Variants in TF observed in about 807,000 individuals in gnomAD.
TF encodes the protein serotransferrin.
Under a neutral mutation model 82.4 loss-of-function variants are expected in TF, and 55 were observed. The ratio of observed to expected loss-of-function variants is 0.67; its 90% CI spans 0.54 to 0.84. The LOEUF is 0.84. TF is among the 40% of genes least tolerant of loss of function. TF has a pLI of 0.00. For synonymous variants in TF, 332 were observed against 332.6 expected (o/e 1.00, Z 0.02); for missense variants, 737 against 868.4 (o/e 0.85, Z 1.90).
chr3:133,773,700 C>T (rs1360410868), intron 14 of TF: 1 of 152,156 alleles, frequency 6.6e-6, no homozygotes, highest in Admixed American at 6.5e-5. Context: ...ACATGCCCTT[C>T]TAGATGCCCT....
Position 133,781,470 on chromosome 3 carries a change from ATG to A in TF, c.*2852_*2853del, listed in dbSNP as rs964941243. 2.0e-5 allele frequency: 3 copies of A among 152,156 alleles called. No individual in the cohort carries two copies. The highest frequency in any genetic ancestry group is 2.9e-5 in the Non-Finnish European group (2 of 68,022). The allele number at this position is 152,156 out of a possible 1,614,324, so 9.4% of individuals were successfully genotyped here. The stretch of plus-strand genomic sequence containing the variant: ...ATAATAATTAACAAGAATAAATAAA[ATG>A]TATCATTTAGTAAATTAATAAAAGC... On this transcript the variant is annotated 3_prime_UTR_variant, in exon 17 of 17. Coordinates refer to ENST00000402696, the MANE Select transcript of TF (RefSeq NM_001063.4).
intron 11 of TF, among the ~76,000 whole-genome samples, chr3:133,765,863 G>A (rs1169292607): frequency 6.6e-6 from 1 of 151,878 alleles, no homozygotes; most frequent in Non-Finnish European, 1.5e-5. Context: ...AAAATGTTTG[G>A]CTCAGTTTTT....
In TF at chr3:133,792,378, A is replaced by G. The variant is rs1934862399; in HGVS notation, c.*13758A>G. ...AAAAGAGAATTTATGCAAGAAATAT[A>G]CAATTTAACGGTGATTAGACCTCCT... is the stretch of plus-strand genomic sequence containing the variant. On this transcript the variant is annotated 3_prime_UTR_variant, in exon 17 of 17. Coordinates refer to ENST00000402696, the MANE Select transcript of TF (RefSeq NM_001063.4). 1 of 152,234 alleles carries G rather than the reference A, an allele frequency of 6.6e-6. No individual in the cohort carries two copies. 9.4% of individuals were successfully genotyped at this position (152,234 alleles called of 1,614,324 possible). A position where few individuals can be genotyped will look rare whatever the true frequency, so the allele number is the denominator to read the frequency against.
the TF span, among the ~76,000 whole-genome samples, chr3:133,707,262 A>T: frequency 6.6e-6 from 1 of 151,986 alleles, no homozygotes. Flanking sequence ...TGCCATAGGT[A>T]CAGAAATAGT....
the TF span, chr3:133,664,824 C>G: frequency 6.6e-6 from 1 of 151,782 alleles, no homozygotes; most frequent in African/African-American, 2.4e-5. Context: ...AGATGTGGAA[C>G]CCACAGATAC....
Position 133,778,396 on chromosome 3 carries a change from A to G in TF, c.2063-190A>G, listed in dbSNP as rs551776929. ...CATGTTAACAGCTTTGGCGTGGGGCACTCCCCAGGATAGGCACAGGAGCTG... is the reference window on the plus strand; with the variant it reads ...CATGTTAACAGCTTTGGCGTGGGGCGCTCCCCAGGATAGGCACAGGAGCTG... On this transcript the variant is annotated intron_variant, in intron 16 of 16. Coordinates refer to ENST00000402696, the MANE Select transcript of TF (RefSeq NM_001063.4). 5 of 544,750 alleles carry G rather than the reference A, an allele frequency of 9.2e-6. No homozygotes were observed. The East Asian group carries it at 1.9e-4, about 21-fold the overall frequency. 33.7% of individuals were successfully genotyped at this position (544,750 alleles called of 1,614,324 possible). A position where few individuals can be genotyped will look rare whatever the true frequency, so the allele number is the denominator to read the frequency against.
At position 133,795,248 on chromosome 3, in the gene TF, T is replaced by C. The variant is rs904899768; in HGVS notation, c.*16628T>C. 2.6e-5 allele frequency: 4 copies of C among 152,224 alleles called. No individual in the cohort carries two copies. The highest frequency in any genetic ancestry group is 9.6e-5 in the African/African-American group (4 of 41,460). The allele number at this position is 152,224 out of a possible 1,614,324, so 9.4% of individuals were successfully genotyped here. The stretch of plus-strand genomic sequence containing the variant: ...ATTTGAGTTTAGGAGGTTTGGTTTA[T>C]GGTGACCCTGGATAAGGAGCATACT... On this transcript the variant is annotated 3_prime_UTR_variant, in exon 17 of 17. Coordinates refer to ENST00000402696, the MANE Select transcript of TF (RefSeq NM_001063.4).
At chr3:133,729,407 T>G in the TF span, among the ~76,000 whole-genome samples, 1 of 152,226 alleles carries the variant, frequency 6.6e-6, no homozygotes, top group Non-Finnish European at 1.5e-5. Context: ...CGGTTTGATC[T>G]CAGACTGCTG....
chr3:133,733,003 G>A, the TF span, among the ~76,000 whole-genome samples: 15 of 152,128 alleles, frequency 9.9e-5, 1 homozygote, highest in South Asian at 2.1e-4. Context: ...GTCCTAATTC[G>A]TGCAGTTATG....
the TF span, among the ~76,000 whole-genome samples, chr3:133,693,668 C>A: frequency 6.6e-6 from 1 of 152,164 alleles, no homozygotes; most frequent in Non-Finnish European, 1.5e-5. Context: ...CACCTCCTAC[C>A]CCCTCCTCGA....
At chr3:133,672,459 T>TAAAAAAAAAAAA in the TF span, among the ~76,000 whole-genome samples, 1 of 107,434 alleles carries the variant, frequency 9.3e-6, no homozygotes, top group Non-Finnish European at 2.0e-5. Context: ...CAAAAAATCC[T>TAAAAAAAAAAAA]AAAAAAAAAA....
intron 9 of TF, 57 bp from the exon 10 acceptor site, chr3:133,764,125 T>A: frequency 6.7e-7 from 1 of 1,488,238 alleles, no homozygotes; most frequent in Non-Finnish European, 9.4e-7. Flanking sequence ...GCTGGAAAAG[T>A]GGGTGGCACA....
the TF span, among the ~76,000 whole-genome samples, chr3:133,724,596 T>G: frequency 6.6e-6 from 1 of 152,202 alleles, no homozygotes; most frequent in African/African-American, 2.4e-5. Flanking sequence ...TTTCTCCCAT[T>G]TTGTAGGCTG....
the TF span, among the ~76,000 whole-genome samples, chr3:133,702,291 G>C: frequency 6.6e-6 from 1 of 152,102 alleles, no homozygotes; most frequent in Non-Finnish European, 1.5e-5. Flanking sequence ...TGGACTCCTG[G>C]GGGGCTCAGC....
chr3:133,684,632 C>T, the TF span, among the ~76,000 whole-genome samples: 1 of 152,136 alleles, frequency 6.6e-6, no homozygotes, highest in Non-Finnish European at 1.5e-5. Flanking sequence ...TGGACACATA[C>T]CCCCTCCCAA....
the TF span, chr3:133,665,163 CTT>C: frequency 6.6e-6 from 1 of 151,964 alleles, no homozygotes; most frequent in Non-Finnish European, 1.5e-5. Context: ...TATTTACAAA[CTT>C]TTTTAAAAAA....
Position 133,764,901 on chromosome 3 carries a change from G to A in TF, c.1324G>A (p.Glu442Lys), listed in dbSNP as rs1278684864. The A allele has an allele frequency of 6.2e-7, 1 of 1,614,036 alleles. No homozygotes were observed. Among genetic ancestry groups the A allele is most frequent in the East Asian group, 2.2e-5 (1 of 44,878 alleles). ...NKSDNCEDTPEAGYFAIAVVK... is the reference protein window; with the variant it reads ...NKSDNCEDTPKAGYFAIAVVK... ...GAGCGATAATTGTGAGGATACACCA[G>A]AGGCAGGTGAGTTTGAATTGGTAAC... is the stretch of plus-strand genomic sequence containing the variant. Residue 442 changes from glutamate (E) to lysine (K), a missense_variant, in exon 11 of 17, where the codon GAG (glutamate) becomes AAG (lysine). Physicochemically the swap from Glu to Lys is moderately conservative, Grantham distance 56. Transcript: ENST00000402696.
At chr3:133,690,838 T>C in the TF span, among the ~76,000 whole-genome samples, 2 of 152,168 alleles carry the variant, frequency 1.3e-5, no homozygotes, top group African/African-American at 2.4e-5. Context: ...CTGAAACCCA[T>C]GTCAATTCTC....
Position 133,757,791 on chromosome 3 carries a change from C to A in TF, c.893C>A (p.Ser298Ter). ...QAQEHFGKDK[S>*]KEFQLFSSPH... ...CAGGAACATTTTGGCAAAGACAAAT[C>A]AAAAGAATTCCAACTATTCAGCTCT... is the stretch of plus-strand genomic sequence containing the variant. Residue 298 changes from serine to a stop codon, truncating the protein, a stop_gained, in exon 8 of 17, where the codon TCA becomes TAA. Coordinates refer to ENST00000402696, the MANE Select transcript of TF (RefSeq NM_001063.4). LOFTEE classifies it high-confidence loss of function. 6.2e-7 allele frequency: 1 copy of A among 1,614,192 alleles called. No homozygotes were observed. The highest frequency in any genetic ancestry group is 1.6e-4 in the Middle Eastern group (1 of 6,062).
Sources: allele counts gnomAD v4.1 joint callset (sites outside exome capture counted in the v4.1 genomes callset), GRCh38; gene constraint gnomAD v4.1.1; transcripts MANE v1.5; gene names NCBI Gene and HGNC (gene_info 2026-07-23, HGNC 2026-07-21).